GTF2E2: variants seen among roughly 807,000 people sequenced by gnomAD.
GTF2E2 encodes the protein transcription initiation factor IIE subunit beta.
In GTF2E2, 21 loss-of-function variants were observed where a neutral mutation model predicts 40.5. That is an observed-to-expected ratio of 0.52 (90% CI 0.37 to 0.75). The LOEUF is 0.75. Ranked by LOEUF, GTF2E2 falls within the 30% of genes least tolerant of loss-of-function variation. The pLI is 0.00. For synonymous variants in GTF2E2, 117 were observed against 121.6 expected (o/e 0.96, Z 0.25); for missense variants, 298 against 338.4 (o/e 0.88, Z 0.94).
At chr8:30,615,802 T>A (rs1032496127) in intron 3 of GTF2E2, among the ~76,000 whole-genome samples, 1 of 152,132 alleles carries the variant, frequency 6.6e-6, no homozygotes, top group Non-Finnish European at 1.5e-5. Context: ...ATTTGATCAA[T>A]CTAGCAATCA....
At chr8:30,618,197 T>C (rs986390805) in intron 3 of GTF2E2, among the ~76,000 whole-genome samples, 6 of 137,322 alleles carry the variant, frequency 4.4e-5, no homozygotes, top group African/African-American at 1.7e-4. Context: ...CTCAGGAGGC[T>C]GAGGAAGGAG....
intron 3 of GTF2E2, among the ~76,000 whole-genome samples, chr8:30,623,282 G>A (rs1005168974): frequency 1.3e-5 from 2 of 152,094 alleles, no homozygotes; most frequent in Non-Finnish European, 2.9e-5. Flanking sequence ...ACCTATGAGT[G>A]AGAACATGCA....
intron 7 of GTF2E2, among the ~76,000 whole-genome samples, chr8:30,579,336 T>C (rs1243207704): frequency 3.3e-5 from 5 of 152,204 alleles, no homozygotes; most frequent in Non-Finnish European, 7.3e-5. Context: ...GCTCTGTCTC[T>C]GTCATCAGGT....
intron 6 of GTF2E2, among the ~76,000 whole-genome samples, chr8:30,588,562 C>T (rs1828749483): frequency 6.6e-6 from 1 of 152,096 alleles, no homozygotes; most frequent in Non-Finnish European, 1.5e-5. Context: ...CTACTAGAGG[C>T]TAGGAGAAGG....
rs1301552428 is a variant in GTF2E2 at position 30,653,537 on chromosome 8, A to G, written c.62T>C (p.Val21Ala). 1 of 1,609,634 alleles carries G rather than the reference A, an allele frequency of 6.2e-7. No individual in the cohort carries two copies. Among genetic ancestry groups the G allele is most frequent in the South Asian group, 1.1e-5 (1 of 90,956 alleles). ...LFKKRALSTP[V>A]VEKRSASSES... Reference sequence around the variant, plus strand: ...AGAAGATGCTGAACGTTTTTCTACTACAGGAGTAGAAAGAGCTCGTTTTTT... The same window carrying G: ...AGAAGATGCTGAACGTTTTTCTACTGCAGGAGTAGAAAGAGCTCGTTTTTT... Residue 21 changes from valine (V) to alanine (A), a missense_variant, in exon 2 of 8, where the codon GTA (valine) becomes GCA (alanine). Transcript: ENST00000355904.
intron 6 of GTF2E2, among the ~76,000 whole-genome samples, chr8:30,606,309 T>A (rs150498902): frequency 6.6e-6 from 1 of 152,316 alleles, no homozygotes; most frequent in African/African-American, 2.4e-5. Context: ...ACCACAAGCC[T>A]GGATATCTAT....
chr8:30,580,129 G>C, intron 7 of GTF2E2, 152 bp downstream of exon 7: 2 of 611,490 alleles, frequency 3.3e-6, no homozygotes, highest in South Asian at 3.9e-5. Context: ...GGGCGGGTCT[G>C]CAGGCCTGCA....
intron 6 of GTF2E2, among the ~76,000 whole-genome samples, chr8:30,588,650 G>A (rs1251668821): frequency 6.6e-6 from 1 of 152,170 alleles, no homozygotes; most frequent in East Asian, 1.9e-4. Flanking sequence ...CAGACCTAAT[G>A]TAATCACAAG....
Position 30,653,561 on chromosome 8 carries a change from T to C in GTF2E2, c.38A>G (p.Lys13Arg), listed in dbSNP as rs766224944. Residue 13 changes from lysine to arginine, a missense_variant, in exon 2 of 8, where the codon AAA (lysine) becomes AGA (arginine). Coordinates refer to ENST00000355904, the MANE Select transcript of GTF2E2 (RefSeq NM_002095.6). ...TACAGGAGTAGAAAGAGCTCGTTTTTTGAACAGCTCCCTTTCTCTCAACAG... is the reference window on the plus strand; with the variant it reads ...TACAGGAGTAGAAAGAGCTCGTTTTCTGAACAGCTCCCTTTCTCTCAACAG... ...PSLLRERELF[K>R]KRALSTPVVE... The C allele has an allele frequency of 2.5e-6, 4 of 1,613,514 alleles. No homozygotes were observed. In the African/African-American group the frequency reaches 4.0e-5, roughly 16 times the overall value.
chr8:30,629,087 G>A (rs1801365060), intron 3 of GTF2E2, among the ~76,000 whole-genome samples: 1 of 151,952 alleles, frequency 6.6e-6, no homozygotes, highest in Non-Finnish European at 1.5e-5. Context: ...TGTATTATCA[G>A]ATCTATGGAC....
chr8:30,646,371 A>T (rs190794848), intron 2 of GTF2E2, among the ~76,000 whole-genome samples: 20 of 151,892 alleles, frequency 1.3e-4, no homozygotes, highest in Admixed American at 1.2e-3. Flanking sequence ...CCCCCAAAAA[A>T]GGTCAAAAGA....
chr8:30,611,517 A>G (rs1170672906), intron 5 of GTF2E2, among the ~76,000 whole-genome samples: 1 of 152,234 alleles, frequency 6.6e-6, no homozygotes, highest in East Asian at 1.9e-4. Context: ...AAAAATTTAC[A>G]AAGAAAGACT....
rs148717399 is a variant in GTF2E2, at chr8:30,628,748, G to A, written c.258+6284C>T. Reference sequence around the variant, plus strand: ...AGATCAAGCCCATCCTGGCTAACACGGTGAAACCTCATCTCTACTAAAAAT... The same window carrying A: ...AGATCAAGCCCATCCTGGCTAACACAGTGAAACCTCATCTCTACTAAAAAT... On this transcript the variant is annotated intron_variant, in intron 3 of 7. Transcript: ENST00000355904. Among the ~76,000 whole-genome samples the A allele has an allele frequency of 7.1e-3, 1,076 of 152,210 alleles. 10 individuals are homozygous for A. Among genetic ancestry groups the A allele is most frequent in the African/African-American group, 0.023 (944 of 41,532 alleles).
intron 3 of GTF2E2, among the ~76,000 whole-genome samples, chr8:30,634,634 C>T (rs1002398301): frequency 5.3e-5 from 8 of 152,150 alleles, no homozygotes; most frequent in Non-Finnish European, 8.8e-5. Flanking sequence ...GAAGCCATCA[C>T]CATCATCTGC....
In GTF2E2 at chr8:30,648,854, C is replaced by T. The variant is rs1471599232; in HGVS notation, c.166+4579G>A. On this transcript the variant is annotated intron_variant, in intron 2 of 7. Coordinates refer to ENST00000355904, the MANE Select transcript of GTF2E2 (RefSeq NM_002095.6). ...AAACTGAGATTTTTGGGATTGTTAC[C>T]ACAACACAGTTTATCCTACCCTGAC... Among the ~76,000 whole-genome samples the T allele has an allele frequency of 5.3e-5, 8 of 152,264 alleles. No homozygotes were observed. The East Asian group carries it at 1.5e-3, about 29-fold the overall frequency.
intron 6 of GTF2E2, among the ~76,000 whole-genome samples, chr8:30,596,232 T>C (rs985250866): frequency 3.3e-5 from 5 of 152,218 alleles, no homozygotes; most frequent in Non-Finnish European, 4.4e-5. Flanking sequence ...CAAGTATTTC[T>C]TCTGCCCCGT....
chr8:30,603,521 A>C (rs1360297442), intron 6 of GTF2E2, among the ~76,000 whole-genome samples: 2 of 152,194 alleles, frequency 1.3e-5, no homozygotes, highest in African/African-American at 4.8e-5. Flanking sequence ...CATCAAGGAA[A>C]AGAACATTAA....
At chr8:30,605,891 C>A (rs568081372) in intron 6 of GTF2E2, among the ~76,000 whole-genome samples, 1 of 152,236 alleles carries the variant, frequency 6.6e-6, no homozygotes, top group African/African-American at 2.4e-5. Flanking sequence ...GAACTCCTAG[C>A]CTGAAGCGAT....
chr8:30,640,581 C>CT lies in GTF2E2; in HGVS notation c.167-5459dup, dbSNP rs953097141. Reference sequence around the variant, plus strand: ...GAAGTCCAGAAAAAGATTGTTTTACCTTTTTTTATATACACCATTTTCTCT... The same window carrying CT: ...GAAGTCCAGAAAAAGATTGTTTTACCTTTTTTTTATATACACCATTTTCTCT... On this transcript the variant is annotated intron_variant, in intron 2 of 7. Coordinates refer to ENST00000355904, the MANE Select transcript of GTF2E2 (RefSeq NM_002095.6). Among the ~76,000 whole-genome samples, 34 of 152,174 alleles carry CT rather than the reference C, an allele frequency of 2.2e-4. 1 individual carries two copies. Among genetic ancestry groups the CT allele is most frequent in the African/African-American group, 7.7e-4 (32 of 41,498 alleles).
Sources: gnomAD v4.1 joint callset for allele counts (sites outside exome capture counted in the v4.1 genomes callset) on GRCh38, gnomAD v4.1.1 for gene constraint, MANE v1.5 for transcripts, NCBI Gene and HGNC (gene_info 2026-07-23, HGNC 2026-07-21) for gene names.